NOL4: variants seen among roughly 807,000 people sequenced by gnomAD.
The protein encoded by NOL4 is nucleolar protein 4, also known as cancer/testis antigen 125.
Under a neutral mutation model 75.9 loss-of-function variants are expected in NOL4, and 17 were observed. The ratio of observed to expected loss-of-function variants is 0.22; its 90% confidence interval spans 0.15 to 0.34. NOL4 has a LOEUF of 0.34. Among genes scored for constraint, NOL4 ranks in the 10% least tolerant of loss-of-function variants. The pLI is 1.00. For missense variants in NOL4, 614 were observed against 793.5 expected, an observed-to-expected ratio of 0.77 and a Z score of 2.72; for synonymous variants, 292 against 289.9, an observed-to-expected ratio of 1.01 and a Z score of -0.07.
intron 5 of NOL4, among the ~76,000 whole-genome samples, chr18:34,052,587 TAAAC>T (rs2076669474): frequency 6.6e-6 from 1 of 152,046 alleles, no homozygotes; most frequent in Non-Finnish European, 1.5e-5. Flanking sequence ...AATTATTTAT[TAAAC>T]AATCATTTAT....
chr18:33,917,700 C>T (rs549348713), intron 9 of NOL4, among the ~76,000 whole-genome samples: 6 of 151,790 alleles, frequency 4.0e-5, no homozygotes, highest in Non-Finnish European at 7.4e-5. Context: ...GATGAGGTCT[C>T]GCTATTTTGC....
chr18:34,129,091 A>T (rs1297257358), intron 2 of NOL4, among the ~76,000 whole-genome samples: 1 of 151,934 alleles, frequency 6.6e-6, no homozygotes, highest in African/African-American at 2.4e-5. Flanking sequence ...AGGATGAAAT[A>T]TCTATAGTAA....
chr18:34,142,703 G>A (rs2081227119), intron 1 of NOL4, among the ~76,000 whole-genome samples: 1 of 152,142 alleles, frequency 6.6e-6, no homozygotes, highest in South Asian at 2.1e-4. Context: ...AGGATGGAGG[G>A]ATAGCTTTAG....
At chr18:34,006,635 G>T (rs2074042774) in intron 6 of NOL4, among the ~76,000 whole-genome samples, 1 of 152,050 alleles carries the variant, frequency 6.6e-6, no homozygotes, top group African/African-American at 2.4e-5. Flanking sequence ...CCTACAGAAT[G>T]CATTATCTAC....
At chr18:34,030,369 T>G (rs2075575774) in intron 5 of NOL4, among the ~76,000 whole-genome samples, 1 of 152,158 alleles carries the variant, frequency 6.6e-6, no homozygotes, top group African/African-American at 2.4e-5. Flanking sequence ...AACAGGGTCA[T>G]GCATATAGTG....
At chr18:34,195,533 T>C (rs1194453686) in intron 1 of NOL4, among the ~76,000 whole-genome samples, 3 of 152,158 alleles carry the variant, frequency 2.0e-5, no homozygotes, top group African/African-American at 7.2e-5. Context: ...AGTTTGTTTA[T>C]ATTTTATGTA....
At chr18:33,915,360 G>C (rs115758824) in intron 9 of NOL4, among the ~76,000 whole-genome samples, 2 of 152,108 alleles carry the variant, frequency 1.3e-5, no homozygotes, top group African/African-American at 2.4e-5. Context: ...AAGGGAAAGA[G>C]AAATGTGGAA....
At chr18:33,947,555 T>C (rs1193933062) in intron 8 of NOL4, among the ~76,000 whole-genome samples, 1 of 151,896 alleles carries the variant, frequency 6.6e-6, no homozygotes, top group Non-Finnish European at 1.5e-5. Flanking sequence ...ACATATACTA[T>C]TTGATATCTA....
intron 8 of NOL4, among the ~76,000 whole-genome samples, chr18:33,944,767 C>A (rs1258507226): frequency 6.6e-6 from 1 of 151,832 alleles, no homozygotes; most frequent in Non-Finnish European, 1.5e-5. Context: ...TGAGGCAAAT[C>A]TAAAATAAAT....
chr18:33,976,082 C>G (rs1465707786), intron 6 of NOL4, among the ~76,000 whole-genome samples: 1 of 152,134 alleles, frequency 6.6e-6, no homozygotes, highest in Non-Finnish European at 1.5e-5. Context: ...AAATTAAACA[C>G]TGAACAGATA....
intron 1 of NOL4, among the ~76,000 whole-genome samples, chr18:34,203,372 G>A (rs1421957172): frequency 1.3e-5 from 2 of 151,706 alleles, no homozygotes; most frequent in Non-Finnish European, 2.9e-5. Context: ...TGAGTGTGGT[G>A]GTGGATACAC....
At chr18:34,002,116 C>A (rs186193157) in intron 6 of NOL4, among the ~76,000 whole-genome samples, 1 of 152,254 alleles carries the variant, frequency 6.6e-6, no homozygotes, top group East Asian at 1.9e-4. Context: ...CTTGACTCCA[C>A]CTTGGCTCAT....
At chr18:34,064,693 T>C (rs2145173046) in intron 5 of NOL4, among the ~76,000 whole-genome samples, 1 of 152,074 alleles carries the variant, frequency 6.6e-6, no homozygotes, top group Admixed American at 6.6e-5. Context: ...GTACTCTCTA[T>C]GACACATAAT....
chr18:34,212,435 T>C (rs1007554451), intron 1 of NOL4, among the ~76,000 whole-genome samples: 1 of 152,350 alleles, frequency 6.6e-6, no homozygotes, highest in South Asian at 2.1e-4. Context: ...AATTGACCTG[T>C]TAATTACACA....
chr18:34,079,046 A>G (rs2077873542), intron 5 of NOL4, among the ~76,000 whole-genome samples: 1 of 152,146 alleles, frequency 6.6e-6, no homozygotes, highest in Non-Finnish European at 1.5e-5. Context: ...TGGTCAGGGA[A>G]GGAAACCGGG....
At chr18:34,167,241 A>G (rs2032486762) in intron 1 of NOL4, among the ~76,000 whole-genome samples, 3 of 151,980 alleles carry the variant, frequency 2.0e-5, no homozygotes, top group African/African-American at 7.2e-5. Flanking sequence ...GCATCACAGG[A>G]AGTTCCTGGA....
intron 6 of NOL4, among the ~76,000 whole-genome samples, chr18:33,996,536 A>G (rs1179074274): frequency 6.6e-6 from 1 of 151,836 alleles, no homozygotes; most frequent in African/African-American, 2.4e-5. Context: ...GGTAGTGAGC[A>G]TAGTATCCAA....
chr18:33,873,371 T>C (rs1316707174), intron 10 of NOL4, among the ~76,000 whole-genome samples: 1 of 151,878 alleles, frequency 6.6e-6, no homozygotes, highest in Non-Finnish European at 1.5e-5. Context: ...CTATTAAGAG[T>C]GTAAGCTAAA....
intron 6 of NOL4, among the ~76,000 whole-genome samples, chr18:33,964,070 C>G (rs755695544): frequency 7.2e-5 from 11 of 152,108 alleles, no homozygotes; most frequent in African/African-American, 2.7e-4. Flanking sequence ...CAGCAGTGAT[C>G]GTAAGGTATC....
Sources: allele counts gnomAD v4.1 joint callset (sites outside exome capture counted in the v4.1 genomes callset), GRCh38; gene constraint gnomAD v4.1.1; transcripts MANE v1.5; gene names NCBI Gene and HGNC (gene_info 2026-07-23, HGNC 2026-07-21).